Variants in ADAMTS20 observed in about 807,000 individuals in gnomAD.
ADAMTS20 encodes A disintegrin and metalloproteinase with thrombospondin motifs 20.
Under a neutral mutation model 260.1 loss-of-function variants are expected in ADAMTS20, and 225 were observed. The observed-to-expected ratio is 0.87, with a 90% CI of 0.78 to 0.97. The LOEUF is 0.97. Among genes scored for constraint, ADAMTS20 ranks in the 50% least tolerant of loss-of-function variants. The pLI is 0.00. For synonymous variants in ADAMTS20, 802 were observed against 769.5 expected (o/e 1.04, Z -0.70); for missense variants, 2,400 against 2,337.7 (o/e 1.03, Z -0.55).
At chr12:43,384,925 A>G (rs1940438652) in intron 29 of ADAMTS20, among the ~76,000 whole-genome samples, 1 of 152,174 alleles carries the variant, frequency 6.6e-6, no homozygotes, top group Non-Finnish European at 1.5e-5. Flanking sequence ...ATATGTGTGC[A>G]TGCGTTTTTT....
intron 7 of ADAMTS20, among the ~76,000 whole-genome samples, chr12:43,483,735 T>C (rs1030684354): frequency 6.6e-6 from 1 of 152,066 alleles, no homozygotes; most frequent in Non-Finnish European, 1.5e-5. Flanking sequence ...CCTTGAAAAG[T>C]CCTCAGTGCA....
intron 3 of ADAMTS20, among the ~76,000 whole-genome samples, chr12:43,504,228 T>A (rs543550260): frequency 2.0e-5 from 3 of 152,304 alleles, no homozygotes; most frequent in South Asian, 4.1e-4. Context: ...ATCTATTATT[T>A]TTTTTATTTT....
At chr12:43,469,911 T>C (rs61196059) in intron 7 of ADAMTS20, among the ~76,000 whole-genome samples, 1,697 of 152,258 alleles carry the variant, frequency 0.011, 26 homozygotes, top group African/African-American at 0.038. Flanking sequence ...AGCCAATACT[T>C]TTTAATAAAA....
At chr12:43,419,914 T>C (rs958807103) in intron 28 of ADAMTS20, among the ~76,000 whole-genome samples, 4 of 152,296 alleles carry the variant, frequency 2.6e-5, no homozygotes, top group Admixed American at 2.6e-4. Context: ...ATTCTCTTCT[T>C]TGGTGACATA....
At chr12:43,365,249 T>C (rs1342831447) in intron 37 of ADAMTS20, among the ~76,000 whole-genome samples, 2 of 152,012 alleles carry the variant, frequency 1.3e-5, no homozygotes, top group Non-Finnish European at 2.9e-5. Context: ...TTACAAGACA[T>C]ACTAAAGGAA....
chr12:43,354,149 G>C lies in ADAMTS20; in HGVS notation c.*60C>G, dbSNP rs1939692770. On this transcript the variant is annotated 3_prime_UTR_variant, in exon 39 of 39. Coordinates refer to ENST00000389420, the MANE Select transcript of ADAMTS20 (RefSeq NM_025003.5). ...GGGAGATATAAAGAAATGAGCACCA[G>C]TTATTTGAATATTCCAGAGAATATC... 2 of 1,261,950 alleles carry C rather than the reference G, an allele frequency of 1.6e-6. No individual in the cohort carries two copies. Among genetic ancestry groups the C allele is most frequent in the African/African-American group, 3.0e-5 (2 of 66,054 alleles). The allele number at this position is 1,261,950 out of a possible 1,614,324, so 78.2% of individuals were successfully genotyped here.
At chr12:43,498,059 A>T (rs951267848) in intron 4 of ADAMTS20, among the ~76,000 whole-genome samples, 1 of 152,190 alleles carries the variant, frequency 6.6e-6, no homozygotes, top group Non-Finnish European at 1.5e-5. Flanking sequence ...GTTGTCACCC[A>T]AATTCCCTAT....
At chr12:43,433,586 G>C (rs1941490156) in intron 19 of ADAMTS20, among the ~76,000 whole-genome samples, 1 of 151,974 alleles carries the variant, frequency 6.6e-6, no homozygotes, top group East Asian at 1.9e-4. Context: ...GGCCATACCT[G>C]AATGTTAAAT....
At chr12:43,379,031 C>T (rs1196098221) in intron 31 of ADAMTS20, among the ~76,000 whole-genome samples, 2 of 152,162 alleles carry the variant, frequency 1.3e-5, no homozygotes, top group Non-Finnish European at 2.9e-5. Context: ...ATCAACAGCC[C>T]TGTGATTATG....
intron 3 of ADAMTS20, among the ~76,000 whole-genome samples, chr12:43,526,052 T>G (rs1943137257): frequency 6.6e-6 from 1 of 152,178 alleles, no homozygotes; most frequent in Non-Finnish European, 1.5e-5. Context: ...TACAGAATAT[T>G]CTACCCCAAA....
intron 19 of ADAMTS20, among the ~76,000 whole-genome samples, chr12:43,433,124 T>C (rs1941481529): frequency 6.6e-6 from 1 of 152,178 alleles, no homozygotes; most frequent in African/African-American, 2.4e-5. Context: ...TGACTGCCAA[T>C]CAGATAGTTT....
In ADAMTS20 at chr12:43,376,586, G is replaced by C. The variant is rs755070775; in HGVS notation, c.5063C>G (p.Ser1688Cys). 6.2e-7 allele frequency: 1 copy of C among 1,613,594 alleles called. No individual in the cohort carries two copies. Among genetic ancestry groups the C allele is most frequent in the South Asian group, 1.1e-5 (1 of 91,032 alleles). Residue 1688 changes from serine (S) to cysteine (C), a missense_variant, in exon 33 of 39, where the codon TCC becomes TGC. By Grantham distance (112) the Ser-to-Cys change is moderately radical. Coordinates refer to ENST00000389420, the MANE Select transcript of ADAMTS20 (RefSeq NM_025003.5). ...TAAATGGTTTAAACATAAGTCACTG[G>C]ACAAACCATGTTTGGTAATGCATTT... ...QVKCITKHGL[S>C]SDLCLNHLKP...
At chr12:43,396,629 C>A (rs948788615) in intron 29 of ADAMTS20, among the ~76,000 whole-genome samples, 1 of 152,104 alleles carries the variant, frequency 6.6e-6, no homozygotes. Flanking sequence ...CAAGGAGAAG[C>A]AAGCAAATTA....
At chr12:43,363,425 C>T (rs1939917044) in intron 37 of ADAMTS20, among the ~76,000 whole-genome samples, 1 of 152,076 alleles carries the variant, frequency 6.6e-6, no homozygotes, top group South Asian at 2.1e-4. Context: ...AATGTCCCCA[C>T]AAAAAATCAC....
intron 36 of ADAMTS20, among the ~76,000 whole-genome samples, chr12:43,375,130 C>G (rs1171784376): frequency 7.0e-6 from 1 of 142,306 alleles, no homozygotes; most frequent in Non-Finnish European, 1.5e-5. Context: ...CAAGATCATG[C>G]CATTGCACTC....
intron 3 of ADAMTS20, among the ~76,000 whole-genome samples, chr12:43,514,025 G>A (rs1448612385): frequency 1.4e-5 from 2 of 147,250 alleles, no homozygotes; most frequent in Non-Finnish European, 3.0e-5. Flanking sequence ...CTAACCTGCA[G>A]GTTGTGCACA....
chr12:43,376,814 G>A (rs9804726), intron 32 of ADAMTS20, among the ~76,000 whole-genome samples, 161 bp from the exon 33 acceptor site: 37,786 of 152,030 alleles, frequency 0.25, 5,304 homozygotes, highest in African/African-American at 0.38. Flanking sequence ...CTGGATAGTC[G>A]CCGGTGGGAA....
Position 43,444,743 on chromosome 12 carries a change from T to C in ADAMTS20, c.2198-860A>G, listed in dbSNP as rs1941729652. 2.0e-5 allele frequency among the ~76,000 whole-genome samples: 3 copies of C among 152,306 alleles called. No individual in the cohort carries two copies. In the South Asian group the frequency reaches 6.2e-4, roughly 32 times the overall value. ...CTTTTCCTTATTTATTAGGATTTCC[T>C]CCTAGTTAACTGCACCATGAGTAAA... is the stretch of plus-strand genomic sequence containing the variant. On this transcript the variant is annotated intron_variant, in intron 15 of 38. Transcript: ENST00000389420.
At chr12:43,401,079 C>A (rs1428660277) in intron 28 of ADAMTS20, among the ~76,000 whole-genome samples, 1 of 151,758 alleles carries the variant, frequency 6.6e-6, no homozygotes, top group African/African-American at 2.4e-5. Context: ...TACACGATAC[C>A]AAATACCATT....
Sources: gnomAD v4.1 joint callset for allele counts (sites outside exome capture counted in the v4.1 genomes callset) on GRCh38, gnomAD v4.1.1 for gene constraint, MANE v1.5 for transcripts, NCBI Gene and HGNC (gene_info 2026-07-23, HGNC 2026-07-21) for gene names.